The following DAPK1 variants were observed in gnomAD, a reference collection of about 807,000 sequenced individuals.
DAPK1 encodes death-associated protein kinase 1.
In DAPK1, 56 loss-of-function variants were observed where a neutral mutation model predicts 144.9. The ratio of observed to expected loss-of-function variants is 0.39; its 90% CI spans 0.31 to 0.48. DAPK1 has a LOEUF of 0.48. Ranked by LOEUF, DAPK1 falls within the 20% of genes least tolerant of loss-of-function variation. DAPK1 has a pLI of 0.95. For missense variants in DAPK1, 1,454 were observed against 1,875.4 expected, an observed-to-expected ratio of 0.78 and a Z score of 4.15; for synonymous variants, 690 against 749.0, an observed-to-expected ratio of 0.92 and a Z score of 1.29.
chr9:87,641,415 AAAG>A (rs1421643459), intron 9 of DAPK1, among the ~76,000 whole-genome samples: 1 of 152,200 alleles, frequency 6.6e-6, no homozygotes, highest in Non-Finnish European at 1.5e-5. Context: ...ATCATGAAAT[AAAG>A]AAGTGAACAT....
chr9:87,522,202 AC>A (rs1165780199), intron 2 of DAPK1, among the ~76,000 whole-genome samples: 1 of 152,072 alleles, frequency 6.6e-6, no homozygotes, highest in Admixed American at 6.5e-5. Flanking sequence ...GTTATGGAGA[AC>A]AAGAGTTATA....
intron 3 of DAPK1, among the ~76,000 whole-genome samples, chr9:87,623,360 C>G (rs1829374605): frequency 1.3e-5 from 2 of 152,150 alleles, no homozygotes; most frequent in South Asian, 2.1e-4. Context: ...ACAGATTAGT[C>G]TTTCATGCCT....
intron 2 of DAPK1, among the ~76,000 whole-genome samples, chr9:87,573,723 ACTC>A (rs1827449271): frequency 6.6e-6 from 1 of 151,980 alleles, no homozygotes; most frequent in Admixed American, 6.6e-5. Flanking sequence ...AAGCTCCAAT[ACTC>A]CAAGTGTCCA....
At position 87,498,956 on chromosome 9, in the gene DAPK1, T is replaced by C. The variant is rs1213149987; in HGVS notation, c.-108-14T>C. The stretch of plus-strand genomic sequence containing the variant: ...ATTTTACTATTATTATTGCCTTTTT[T>C]TTTTCTTCAAAAGGACTGGAGACTG... On this transcript the variant is annotated splice_polypyrimidine_tract_variant and intron_variant, in intron 1 of 25. Coordinates refer to ENST00000408954, the MANE Select transcript of DAPK1 (RefSeq NM_004938.4). The C allele has an allele frequency of 1.4e-6, 1 of 721,382 alleles. No individual in the cohort carries two copies. The highest frequency in any genetic ancestry group is 2.4e-6 in the Non-Finnish European group (1 of 419,756). The allele number at this position is 721,382 out of a possible 1,614,324, so 44.7% of individuals were successfully genotyped here.
chr9:87,679,172 TG>T (rs1801540689), intron 19 of DAPK1, among the ~76,000 whole-genome samples: 1 of 151,978 alleles, frequency 6.6e-6, no homozygotes, highest in African/African-American at 2.4e-5. Context: ...CTGCCAGGGC[TG>T]GGAATTCCGT....
At position 87,681,569 on chromosome 9, in the gene DAPK1, C is replaced by G; in HGVS notation, c.2167C>G (p.Leu723Val). The change falls in exon 20 of 26, where the codon CTG becomes GTG. Residue 723 changes from leucine to valine, a missense_variant. By Grantham distance (32) the Leu-to-Val change is conservative (BLOSUM62 1). Around this residue, in one of 2 missense-constraint regions of DAPK1, gnomAD observed 1,025 missense variants for 1,237.9 expected, o/e 0.83. Transcript: ENST00000408954. Reference sequence around the variant, plus strand: ...CTTTTTCAGAAGGCGTCGGCCCAGACTGTCTTCCACCAACTCCAGCAGGTT... The same window carrying G: ...CTTTTTCAGAAGGCGTCGGCCCAGAGTGTCTTCCACCAACTCCAGCAGGTT... ...RSFFRRRRPR[L>V]SSTNSSRFPP... 6.2e-7 allele frequency: 1 copy of G among 1,612,496 alleles called. No homozygotes were observed. The highest frequency in any genetic ancestry group is 8.5e-7 in the Non-Finnish European group (1 of 1,178,486).
Position 87,686,904 on chromosome 9 carries a change from C to A in DAPK1, c.2413+165C>A. 2 of 957,826 alleles carry A rather than the reference C, an allele frequency of 2.1e-6. No homozygotes were observed. Among genetic ancestry groups the A allele is most frequent in the African/African-American group, 1.8e-5 (1 of 56,776 alleles). 59.3% of individuals were successfully genotyped at this position (957,826 alleles called of 1,614,324 possible). ...CCAGGACTGAAGCATGGCTGGCTAC[C>A]ATCCCTAAACAGTGAAATTAAACAC... On this transcript the variant is annotated intron_variant, in intron 21 of 25. Transcript: ENST00000408954. The surrounding 1 kb of genome is among the most constrained non-coding windows in gnomAD (Gnocchi z 4.2).
chr9:87,696,985 TATC>T lies in DAPK1; in HGVS notation c.2414-19_2414-17del, dbSNP rs1825282137. Reference sequence around the variant, plus strand: ...TTGGTTAGTGGTGTTTCACGATTGTTATCATTTTTCTTTTTCTGTAGGAGTTGG... The same window carrying T: ...TTGGTTAGTGGTGTTTCACGATTGTTATTTTTCTTTTTCTGTAGGAGTTGG... On this transcript the variant is annotated intron_variant, in intron 21 of 25. Transcript: ENST00000408954. The T allele has an allele frequency of 7.8e-7, 1 of 1,278,998 alleles. No homozygotes were observed. The highest frequency in any genetic ancestry group is 1.1e-6 in the Non-Finnish European group (1 of 873,962). The allele number at this position is 1,278,998 out of a possible 1,614,324, so 79.2% of individuals were successfully genotyped here. A position where few individuals can be genotyped will look rare whatever the true frequency, so the allele number is the denominator to read the frequency against.
At chr9:87,697,446 T>C (rs1268291785) in intron 22 of DAPK1, among the ~76,000 whole-genome samples, 3 of 152,232 alleles carry the variant, frequency 2.0e-5, no homozygotes, top group Non-Finnish European at 4.4e-5. Context: ...CAGGCTGTTT[T>C]TGTTTCATGA....
At chr9:87,626,405 A>G (rs1169798791) in intron 3 of DAPK1, among the ~76,000 whole-genome samples, 2 of 151,782 alleles carry the variant, frequency 1.3e-5, no homozygotes, top group Non-Finnish European at 1.5e-5. Flanking sequence ...ACAAGAGCAA[A>G]ACTCTGTCTC....
At chr9:87,530,082 T>G (rs889845833) in intron 2 of DAPK1, among the ~76,000 whole-genome samples, 4 of 152,218 alleles carry the variant, frequency 2.6e-5, no homozygotes, top group African/African-American at 7.2e-5. Context: ...GTTTTTATTA[T>G]TTAGGCTTTC....
intron 2 of DAPK1, among the ~76,000 whole-genome samples, chr9:87,577,172 T>A (rs1827591689): frequency 6.6e-6 from 1 of 152,216 alleles, no homozygotes. Flanking sequence ...TGTGTACAAC[T>A]GTGGTTCTCA....
intron 14 of DAPK1, 41 bp downstream of exon 14, chr9:87,647,444 A>C (rs1333111877): frequency 6.5e-7 from 1 of 1,539,398 alleles, no homozygotes; most frequent in South Asian, 1.1e-5. Flanking sequence ...GGTGGTAGTA[A>C]ATGGATGCAT....
At chr9:87,637,338 C>T (rs1325369873) in intron 3 of DAPK1, among the ~76,000 whole-genome samples, 3 of 152,030 alleles carry the variant, frequency 2.0e-5, no homozygotes, top group Non-Finnish European at 4.4e-5. Context: ...GTGATCCGCC[C>T]GCCTCAGCCT....
chr9:87,643,951 A>T (rs924682787), intron 11 of DAPK1, among the ~76,000 whole-genome samples: 1 of 152,124 alleles, frequency 6.6e-6, no homozygotes, highest in Non-Finnish European at 1.5e-5. Context: ...CCACACACCC[A>T]CACCAGAGAA....
chr9:87,590,369 CAAA>C (rs200588801), intron 2 of DAPK1, among the ~76,000 whole-genome samples: 5 of 85,720 alleles, frequency 5.8e-5, no homozygotes, highest in Admixed American at 2.6e-4. Context: ...TCATTGGCCT[CAAA>C]AAAAAAAAAA....
At chr9:87,589,418 C>T (rs1828049537) in intron 2 of DAPK1, among the ~76,000 whole-genome samples, 1 of 152,148 alleles carries the variant, frequency 6.6e-6, no homozygotes, top group Non-Finnish European at 1.5e-5. Flanking sequence ...ATCTTTCCCA[C>T]TAAGTGAAGG....
Position 87,526,720 on chromosome 9 carries a change from G to A in DAPK1, c.62+27581G>A, listed in dbSNP as rs1229925645. On this transcript the variant is annotated intron_variant, in intron 2 of 25. Transcript: ENST00000408954. ...AAGTCATCCTGTATAATTGTGTACT[G>A]AGTGGTCCTTTATGGTGATGAGATG... Among the ~76,000 whole-genome samples, 4 of 152,308 alleles carry A rather than the reference G, an allele frequency of 2.6e-5. No individual in the cohort carries two copies. In the East Asian group the frequency reaches 7.7e-4, roughly 29 times the overall value.
intron 24 of DAPK1, among the ~76,000 whole-genome samples, chr9:87,701,531 A>C (rs773203219): frequency 1.3e-5 from 2 of 152,198 alleles, no homozygotes; most frequent in African/African-American, 4.8e-5. Context: ...AGCATTCTCA[A>C]TGCTTTGGAC....
Sources: gnomAD v4.1 joint callset for allele counts (sites outside exome capture counted in the v4.1 genomes callset) on GRCh38, gnomAD v4.1.1 for gene constraint, gnomAD v4.1.1 regional missense constraint, Gnocchi (gnomAD v3.1) non-coding constraint, MANE v1.5 for transcripts, NCBI Gene and HGNC (gene_info 2026-07-23, HGNC 2026-07-21) for gene names.